Variants in SFTPB observed in about 807,000 individuals in gnomAD.
The protein encoded by SFTPB is pulmonary surfactant-associated protein B.
SFTPB carries 32 observed loss-of-function variants against 51.0 expected under a neutral mutation model. The observed-to-expected ratio is 0.63, with a 90% CI of 0.47 to 0.84. The LOEUF (loss-of-function observed/expected upper bound fraction) is 0.84, where lower values mean the gene tolerates loss of function less well. Among genes scored for constraint, SFTPB ranks in the 40% least tolerant of loss-of-function variants. The pLI, the probability that SFTPB is intolerant of heterozygous loss-of-function variation, is 0.00. For synonymous variants in SFTPB, 211 were observed against 208.5 expected (o/e 1.01, Z -0.10); for missense variants, 431 against 491.2 (o/e 0.88, Z 1.16).
chr2:85,667,743 T>C lies in SFTPB; in HGVS notation c.131A>G (p.Glu44Gly), dbSNP rs1167954505. ...QGPEFWCQSL[E>G]QALQCRALGH... ...TAGGGCTCTGCACTGCAATGCTTGC[T>C]CCAGGCTTTGGCACCAGAACTCAGG... The change falls in exon 2 of 11, where the codon GAG becomes GGG. Residue 44 changes from glutamate (E) to glycine (G), a missense_variant. By Grantham distance (98) the Glu-to-Gly change is moderately conservative (BLOSUM62 -2). Transcript: ENST00000519937. The C allele has an allele frequency of 6.2e-7, 1 of 1,614,132 alleles. No homozygotes were observed. The highest frequency in any genetic ancestry group is 1.3e-5 in the African/African-American group (1 of 74,952).
At chr2:85,660,851 A>T (rs3024818) in intron 10 of SFTPB, among the ~76,000 whole-genome samples, 10,785 of 152,164 alleles carry the variant, frequency 0.071, 1,262 homozygotes, top group African/African-American at 0.25. Flanking sequence ...CTTGCTCTCA[A>T]GGTCACCTTA....
chr2:85,668,192 T>C lies in SFTPB; in HGVS notation c.-9A>G. On this transcript the variant is annotated 5_prime_UTR_variant, in exon 1 of 11. Coordinates refer to ENST00000519937, the MANE Select transcript of SFTPB (RefSeq NM_000542.5). ...AGGTGTGACTCAGCCATGGCACCTC[T>C]GCAGCCTGGGTACCCTGCTTGGTGC... 1 of 1,551,238 alleles carries C rather than the reference T, an allele frequency of 6.4e-7. No individual in the cohort carries two copies. The highest frequency in any genetic ancestry group is 1.4e-5 in the African/African-American group (1 of 73,156).
At chr2:85,668,532 G>C (rs1677768992), upstream of SFTPB, 1 of 357,980 alleles carries the variant, frequency 2.8e-6, no homozygotes, top group East Asian at 5.1e-5. Context: ...GGGGCAGCCT[G>C]GGTGTTCCCC....
intron 5 of SFTPB, 29 bp downstream of exon 5, chr2:85,665,574 TCCA>T: frequency 1.2e-6 from 2 of 1,611,106 alleles, no homozygotes; most frequent in Non-Finnish European, 1.7e-6. Flanking sequence ...CCTCTGGATC[TCCA>T]CTTTACTGGC....
Position 85,662,092 on chromosome 2 carries a change from C to G in SFTPB, c.1020G>C (p.Glu340Asp). The change falls in exon 9 of 11, where the codon GAG becomes GAC. Residue 340 changes from glutamate (E) to aspartate (D), a missense_variant. Transcript: ENST00000519937. Reference protein sequence around the residue: ...LDREKCKQFVEQHTPQLLTLV... With the variant: ...LDREKCKQFVDQHTPQLLTLV... ...GGGTCAGCAGCTGGGGCGTGTGCTG[C>G]TCCACAAATTGCTTGCACTGAGGAA... The G allele has an allele frequency of 6.2e-7, 1 of 1,602,110 alleles. No individual in the cohort carries two copies. Among genetic ancestry groups the G allele is most frequent in the Non-Finnish European group, 8.5e-7 (1 of 1,175,736 alleles).
rs1297957132 is a variant in SFTPB at position 85,662,012 on chromosome 2, G to C, written c.1083+17C>G. 1 of 1,588,412 alleles carries C rather than the reference G, an allele frequency of 6.3e-7. No homozygotes were observed. The highest frequency in any genetic ancestry group is 1.8e-5 in the Admixed American group (1 of 54,100). On this transcript the variant is annotated intron_variant, in intron 9 of 10. Transcript: ENST00000519937. ...GCCAAGGGAAGTCCTAGGACCAACT[G>C]GGAGGGGTGGGTGTACCTGGCAGGT...
chr2:85,662,213 G>A (rs759743663), intron 8 of SFTPB, 104 bp from the exon 9 acceptor site: 18 of 1,539,678 alleles, frequency 1.2e-5, no homozygotes, highest in South Asian at 4.8e-5. Flanking sequence ...GCTCCCTCCC[G>A]ACTCCTCCAT....
chr2:85,667,210 CAT>C, intron 2 of SFTPB, 33 bp from the exon 3 acceptor site: 1 of 1,524,580 alleles, frequency 6.6e-7, no homozygotes, highest in East Asian at 2.3e-5. Flanking sequence ...GTGGAGGACA[CAT>C]GAGTGGGGGA....
chr2:85,662,059 G>A lies in SFTPB; in HGVS notation c.1053C>T (p.Pro351=), dbSNP rs1416308968. 4 of 1,603,116 alleles carry A rather than the reference G, an allele frequency of 2.5e-6. No individual in the cohort carries two copies. The highest frequency in any genetic ancestry group is 3.4e-6 in the Non-Finnish European group (4 of 1,176,300). ...QHTPQLLTLV[P]RGWDAHTTCQ... ...AGGTGGTGTGGGCATCCCAGCCCCT[G>A]GGCACCAGGGTCAGCAGCTGGGGCG... The change falls in exon 9 of 11, where the codon CCC becomes CCT. Residue 351 remains proline, a synonymous_variant. Transcript: ENST00000519937.
At position 85,660,288 on chromosome 2, in the gene SFTPB, ATTTTTTT is replaced by A. The variant is rs60518418; in HGVS notation, c.*20-613_*20-607del. On this transcript the variant is annotated intron_variant, in intron 10 of 10. Coordinates refer to ENST00000519937, the MANE Select transcript of SFTPB (RefSeq NM_000542.5). ...AGGTGTGTGCCACCACATCTGGCTA[ATTTTTTT>A]TTTTTTTTTTTTTTTTTTTAGTAGA... 6.0e-3 allele frequency among the ~76,000 whole-genome samples: 486 copies of A among 80,570 alleles called. 4 individuals are homozygous for A. Among genetic ancestry groups the A allele is most frequent in the African/African-American group, 0.027 (453 of 16,834 alleles). The allele number at this position is 80,570 out of a possible 152,430, so 52.9% of individuals were successfully genotyped here.
At chr2:85,665,199 C>T (rs529911209) in intron 6 of SFTPB, 90 bp downstream of exon 6, 70 of 1,008,978 alleles carry the variant, frequency 6.9e-5, no homozygotes, top group Non-Finnish European at 6.3e-5. Flanking sequence ...TGGGTCCTGA[C>T]GGGGGTGTGA....
upstream of SFTPB, chr2:85,668,234 G>T (rs768729156): frequency 6.5e-7 from 1 of 1,534,260 alleles, no homozygotes; most frequent in South Asian, 1.2e-5. Flanking sequence ...CCTTATAGCT[G>T]GGCGGGGCGT....
chr2:85,663,971 G>A (rs1265392041), intron 6 of SFTPB, 124 bp from the exon 7 acceptor site: 8 of 924,598 alleles, frequency 8.7e-6, no homozygotes, highest in Non-Finnish European at 1.3e-5. Flanking sequence ...GGAGGGCAAG[G>A]CTATTCACAA....
rs1677114433 is a variant in SFTPB at position 85,657,612 on chromosome 2, C to T, written c.*2090G>A. ...TGTCAAAACACACACCCTGCCGTAG[C>T]TCTCTCCTGGGCTAGGTGGGATTGT... is the stretch of plus-strand genomic sequence containing the variant. On this transcript the variant is annotated 3_prime_UTR_variant, in exon 11 of 11. Transcript: ENST00000519937. The T allele has an allele frequency of 6.6e-6, 1 of 152,170 alleles. No individual in the cohort carries two copies. Among genetic ancestry groups the T allele is most frequent in the African/African-American group, 2.4e-5 (1 of 41,452 alleles). The allele number at this position is 152,170 out of a possible 1,614,324, so 9.4% of individuals were successfully genotyped here.
intron 5 of SFTPB, 104 bp downstream of exon 5, chr2:85,665,502 C>T: frequency 6.8e-7 from 1 of 1,477,484 alleles, no homozygotes; most frequent in Non-Finnish European, 9.4e-7. Flanking sequence ...AGCTTCCTAT[C>T]ACCTTCCCGG....
At chr2:85,665,412 T>C in intron 5 of SFTPB, 34 bp from the exon 6 acceptor site, 1 of 1,576,854 alleles carries the variant, frequency 6.3e-7, no homozygotes, top group Non-Finnish European at 8.7e-7. Context: ...CCAGGCTGGG[T>C]GCTGGGAGAA....
At position 85,667,679 on chromosome 2, in the gene SFTPB, G is replaced by A. The variant is rs557499560; in HGVS notation, c.195C>T (p.Ala65=). 67 of 1,614,188 alleles carry A rather than the reference G, an allele frequency of 4.2e-5. No homozygotes were observed. The highest frequency in any genetic ancestry group is 3.0e-4 in the Admixed American group (18 of 60,024). The change falls in exon 2 of 11, where the codon GCC becomes GCT. Residue 65 remains alanine, a splice_region_variant and synonymous_variant. Coordinates refer to ENST00000519937, the MANE Select transcript of SFTPB (RefSeq NM_000542.5). ...GCCATGCATCCTTGGTGGTACTCAC[G>A]GCTCCCACATGTCCCCAGACTTCCT... ...CLQEVWGHVG[A]DDLCQECEDI...
At chr2:85,661,896 C>T (rs1292881331) in intron 9 of SFTPB, 133 bp downstream of exon 9, 1 of 773,494 alleles carries the variant, frequency 1.3e-6, no homozygotes. Context: ...GGGGTGCCTC[C>T]CAGTCCCTGG....
At chr2:85,668,482 C>T (rs953038612), upstream of SFTPB, among the ~76,000 whole-genome samples, 2 of 152,146 alleles carry the variant, frequency 1.3e-5, no homozygotes, top group African/African-American at 4.8e-5. Context: ...CTCTCCAGGC[C>T]GTGGGAGGGA....
Sources: allele counts gnomAD v4.1 joint callset (sites outside exome capture counted in the v4.1 genomes callset), GRCh38; gene constraint gnomAD v4.1.1; transcripts MANE v1.5; gene names NCBI Gene and HGNC (gene_info 2026-07-23, HGNC 2026-07-21).